The following MGAT4C variants were observed in gnomAD, a reference collection of about 807,000 sequenced individuals.
MGAT4C encodes the protein alpha-1,3-mannosyl-glycoprotein 4-beta-N-acetylglucosaminyltransferase C.
A neutral mutation model predicts 40.1 loss-of-function variants in MGAT4C; 19 were observed. That is an observed-to-expected ratio of 0.47 (90% CI 0.33 to 0.70). MGAT4C has a LOEUF of 0.70. MGAT4C is among the 30% of genes least tolerant of loss of function. The pLI is 0.02. For missense variants in MGAT4C, 491 were observed against 563.2 expected (o/e 0.87, Z 1.30); for synonymous variants, 181 against 187.1 (o/e 0.97, Z 0.27).
intron 1 of MGAT4C, among the ~76,000 whole-genome samples, chr12:86,247,952 C>T (rs143938345): frequency 2.9e-3 from 441 of 152,038 alleles, no homozygotes; most frequent in African/African-American, 9.4e-3. Context: ...GGATTTTCTA[C>T]CCTCAGCACC....
chr12:86,345,200 A>T (rs953106551), intron 3 of MGAT4C, among the ~76,000 whole-genome samples: 5 of 152,112 alleles, frequency 3.3e-5, no homozygotes, highest in Admixed American at 6.5e-5. Flanking sequence ...AGAGGAATCA[A>T]GCTGCACTCA....
rs1883633453 is a variant in MGAT4C at position 85,971,783 on chromosome 12, C to T, written c.*7506G>A. On this transcript the variant is annotated 3_prime_UTR_variant, in exon 5 of 5. Coordinates refer to ENST00000611864, the MANE Select transcript of MGAT4C (RefSeq NM_001351288.2). ...GGCAAAATCATGAAGTACAACTTTT[C>T]CTCTGCATCCTTTTACCTCATGTTT... is the stretch of plus-strand genomic sequence containing the variant. The T allele has an allele frequency of 6.6e-6, 1 of 151,120 alleles. No homozygotes were observed. Among genetic ancestry groups the T allele is most frequent in the Non-Finnish European group, 1.5e-5 (1 of 67,306 alleles). 9.4% of individuals were successfully genotyped at this position (151,120 alleles called of 1,614,324 possible). A position where few individuals can be genotyped will look rare whatever the true frequency, so the allele number is the denominator to read the frequency against.
At chr12:86,703,047 G>A (rs1014316761) in intron 2 of MGAT4C, among the ~76,000 whole-genome samples, 12 of 152,240 alleles carry the variant, frequency 7.9e-5, no homozygotes, top group Admixed American at 7.2e-4. Context: ...CTTTCAAGTC[G>A]GCAGTGGAGG....
chr12:86,191,663 A>G (rs1025832969), intron 1 of MGAT4C, among the ~76,000 whole-genome samples: 206 of 135,226 alleles, frequency 1.5e-3, no homozygotes, highest in African/African-American at 6.4e-3. Flanking sequence ...ACACACACAC[A>G]CACACACACA....
chr12:86,010,258 T>G (rs535421876), intron 2 of MGAT4C, among the ~76,000 whole-genome samples: 2 of 152,054 alleles, frequency 1.3e-5, no homozygotes, highest in South Asian at 4.2e-4. Context: ...ACAGGACTAA[T>G]GAAATAAAGA....
intron 4 of MGAT4C, among the ~76,000 whole-genome samples, chr12:86,266,513 T>C (rs1208895045): frequency 1.3e-5 from 2 of 152,210 alleles, no homozygotes; most frequent in Non-Finnish European, 2.9e-5. Flanking sequence ...TATTATCTTT[T>C]TGATATGCTG....
intron 1 of MGAT4C, among the ~76,000 whole-genome samples, chr12:86,223,998 G>A: frequency 6.6e-6 from 1 of 152,024 alleles, no homozygotes; most frequent in Non-Finnish European, 1.5e-5. Flanking sequence ...CCAAAACCTG[G>A]CCAACAACTG....
chr12:86,420,794 T>TAC (rs1258708312), intron 3 of MGAT4C, among the ~76,000 whole-genome samples: 31 of 148,290 alleles, frequency 2.1e-4, no homozygotes, highest in Admixed American at 2.7e-4. Flanking sequence ...TATATATATA[T>TAC]ACACACACAC....
intron 2 of MGAT4C, among the ~76,000 whole-genome samples, chr12:86,043,280 C>T (rs1430527318): frequency 6.6e-6 from 1 of 152,144 alleles, no homozygotes; most frequent in Non-Finnish European, 1.5e-5. Flanking sequence ...AGGTCGTCTG[C>T]AAGCTGAGGA....
chr12:86,452,151 C>A (rs1957433179), intron 2 of MGAT4C, among the ~76,000 whole-genome samples: 1 of 151,814 alleles, frequency 6.6e-6, no homozygotes, highest in Non-Finnish European at 1.5e-5. Context: ...TTCTGGCATC[C>A]CCACTGAAAG....
intron 2 of MGAT4C, among the ~76,000 whole-genome samples, chr12:86,636,063 G>A (rs1024004721): frequency 1.3e-5 from 2 of 151,892 alleles, no homozygotes; most frequent in Non-Finnish European, 2.9e-5. Context: ...GTACAGTAAC[G>A]TGCTGCACAG....
chr12:86,822,524 A>G (rs1450227486), intron 1 of MGAT4C, among the ~76,000 whole-genome samples: 1 of 150,450 alleles, frequency 6.6e-6, no homozygotes, highest in Non-Finnish European at 1.5e-5. Flanking sequence ...TGGGAACAAA[A>G]AGAAAGCAGG....
chr12:86,148,501 T>G (rs1883850986), intron 1 of MGAT4C, among the ~76,000 whole-genome samples: 1 of 152,214 alleles, frequency 6.6e-6, no homozygotes, highest in Non-Finnish European at 1.5e-5. Flanking sequence ...ATGTACCTAC[T>G]GTGTTTTAAT....
chr12:86,702,383 G>C (rs752416018), intron 2 of MGAT4C, among the ~76,000 whole-genome samples: 7 of 152,066 alleles, frequency 4.6e-5, no homozygotes, highest in Non-Finnish European at 1.0e-4. Flanking sequence ...TATCTTAAAA[G>C]AAGATGCCAT....
intron 1 of MGAT4C, among the ~76,000 whole-genome samples, chr12:86,078,434 C>T (rs1008757342): frequency 2.2e-4 from 33 of 152,124 alleles, no homozygotes; most frequent in Admixed American, 5.9e-4. Context: ...TGTGAGTCCA[C>T]GGATGGTAGT....
At chr12:86,439,209 T>C (rs976247504) in intron 2 of MGAT4C, among the ~76,000 whole-genome samples, 1 of 151,944 alleles carries the variant, frequency 6.6e-6, no homozygotes, top group Non-Finnish European at 1.5e-5. Flanking sequence ...TTCTCCAAGA[T>C]AGAACACATA....
chr12:86,096,591 C>T (rs558197589), intron 1 of MGAT4C, among the ~76,000 whole-genome samples: 1 of 150,982 alleles, frequency 6.6e-6, no homozygotes, highest in Non-Finnish European at 1.5e-5. Flanking sequence ...TTTTTTTCCT[C>T]GAATCTTTTT....
At chr12:86,023,759 TATA>T (rs1384584376) in intron 2 of MGAT4C, among the ~76,000 whole-genome samples, 1 of 151,646 alleles carries the variant, frequency 6.6e-6, no homozygotes, top group Non-Finnish European at 1.5e-5. Flanking sequence ...TGAAATTGAC[TATA>T]ATATTTGCAT....
At chr12:86,280,049 T>C (rs1452713323) in intron 4 of MGAT4C, among the ~76,000 whole-genome samples, 1 of 152,096 alleles carries the variant, frequency 6.6e-6, no homozygotes, top group East Asian at 1.9e-4. Context: ...ATGTAACATA[T>C]GGTCTAACAT....
Sources: allele counts gnomAD v4.1 joint callset (sites outside exome capture counted in the v4.1 genomes callset), GRCh38; gene constraint gnomAD v4.1.1; transcripts MANE v1.5; gene names NCBI Gene and HGNC (gene_info 2026-07-23, HGNC 2026-07-21).